The following TAPT1 variants were observed in gnomAD, a reference collection of about 807,000 sequenced individuals.
The protein encoded by TAPT1 is transmembrane anterior posterior transformation protein 1 homolog.
TAPT1 carries 28 observed loss-of-function variants against 65.6 expected under a neutral mutation model. The ratio of observed to expected loss-of-function variants is 0.43; its 90% CI spans 0.32 to 0.59. TAPT1 has a LOEUF of 0.59. Among genes scored for constraint, TAPT1 ranks in the 20% least tolerant of loss-of-function variants. The pLI is 0.09. For synonymous variants in TAPT1, 278 were observed against 245.2 expected (o/e 1.13, Z -1.25); for missense variants, 563 against 679.9 (o/e 0.83, Z 1.91).
At chr4:16,177,676 G>C (rs1363717727) in intron 8 of TAPT1, among the ~76,000 whole-genome samples, 1 of 152,168 alleles carries the variant, frequency 6.6e-6, no homozygotes, top group African/African-American at 2.4e-5. Context: ...AGGATAGTAA[G>C]TGTCTACACT....
At chr4:16,180,171 T>C (rs2149681229) in intron 7 of TAPT1, among the ~76,000 whole-genome samples, 1 of 152,266 alleles carries the variant, frequency 6.6e-6, no homozygotes, top group African/African-American at 2.4e-5. Context: ...TCCGGGGGTG[T>C]ATGTAGAACT....
intron 1 of TAPT1, chr4:16,225,930 G>C: frequency 1.0e-6 from 1 of 989,036 alleles, no homozygotes; most frequent in South Asian, 4.7e-5. Context: ...TGGGCTCCGA[G>C]ACGTGGGAGA....
intron 1 of TAPT1, among the ~76,000 whole-genome samples, chr4:16,221,418 G>A (rs1204722640): frequency 2.0e-5 from 3 of 152,088 alleles, no homozygotes; most frequent in Admixed American, 6.5e-5. Context: ...GAGCCACCGC[G>A]CCCAGCCCCT....
chr4:16,178,758 C>T (rs1022176293), intron 8 of TAPT1, among the ~76,000 whole-genome samples: 1 of 152,166 alleles, frequency 6.6e-6, no homozygotes, highest in Admixed American at 6.5e-5. Context: ...AGCCTGAATT[C>T]AGAGACGCAC....
At chr4:16,218,961 T>C (rs1239207227) in intron 1 of TAPT1, among the ~76,000 whole-genome samples, 2 of 152,188 alleles carry the variant, frequency 1.3e-5, no homozygotes, top group Admixed American at 6.5e-5. Context: ...AACAATACAA[T>C]GTCTGGATTC....
chr4:16,169,108 T>A (rs897191228), intron 12 of TAPT1, among the ~76,000 whole-genome samples: 1 of 152,168 alleles, frequency 6.6e-6, no homozygotes, highest in Non-Finnish European at 1.5e-5. Context: ...AATTTAGGAA[T>A]CATCCTGAGA....
intron 3 of TAPT1, among the ~76,000 whole-genome samples, chr4:16,191,873 T>A (rs570809409): frequency 6.6e-6 from 1 of 152,256 alleles, no homozygotes. Context: ...GCACATAGCC[T>A]GCTGGATCAG....
At position 16,207,331 on chromosome 4, in the gene TAPT1, A is replaced by G. The variant is rs186642658; in HGVS notation, c.331-4751T>C. ...TTTACTGAAATAAAGGGGAAACAAT[A>G]GTCATTACGTTTTCTTAACATATCC... On this transcript the variant is annotated intron_variant, in intron 2 of 13. Coordinates refer to ENST00000405303, the MANE Select transcript of TAPT1 (RefSeq NM_153365.3). Among the ~76,000 whole-genome samples the G allele has an allele frequency of 2.2e-3, 341 of 152,376 alleles. 3 individuals carry two copies. The highest frequency in any genetic ancestry group is 7.4e-3 in the African/African-American group (309 of 41,592).
intron 11 of TAPT1, among the ~76,000 whole-genome samples, chr4:16,171,923 C>G (rs568715419): frequency 3.9e-5 from 6 of 152,166 alleles, no homozygotes; most frequent in African/African-American, 1.4e-4. Context: ...CATTTTACGA[C>G]CCAATGTAAC....
At chr4:16,170,775 C>A (rs1381652954) in intron 11 of TAPT1, 46 bp from the exon 12 acceptor site, 2 of 1,427,616 alleles carry the variant, frequency 1.4e-6, no homozygotes. Context: ...AAACAGAACA[C>A]ACAACCACAG....
chr4:16,168,930 A>G (rs966797288), intron 12 of TAPT1, among the ~76,000 whole-genome samples: 1 of 152,116 alleles, frequency 6.6e-6, no homozygotes, highest in Non-Finnish European at 1.5e-5. Flanking sequence ...GGGAAAGAGG[A>G]GAAACCGGGT....
intron 7 of TAPT1, among the ~76,000 whole-genome samples, chr4:16,184,326 AG>A (rs1258774064): frequency 3.9e-5 from 6 of 152,326 alleles, no homozygotes; most frequent in Non-Finnish European, 5.9e-5. Flanking sequence ...AGACCTACAT[AG>A]CTGACAATAT....
At chr4:16,180,971 C>A (rs959554459) in intron 7 of TAPT1, among the ~76,000 whole-genome samples, 1 of 152,190 alleles carries the variant, frequency 6.6e-6, no homozygotes, top group Non-Finnish European at 1.5e-5. Context: ...GGAGGCAGGG[C>A]ACCTCCGGAG....
At chr4:16,176,417 C>G (rs1007845140) in intron 8 of TAPT1, 189 bp from the exon 9 acceptor site, 3 of 397,012 alleles carry the variant, frequency 7.6e-6, no homozygotes, top group Non-Finnish European at 1.3e-5. Flanking sequence ...CTTCATTCAA[C>G]AAACGTTTAC....
Position 16,167,080 on chromosome 4 carries a change from C to T in TAPT1, c.1314-287G>A, listed in dbSNP as rs549561323. On this transcript the variant is annotated intron_variant, in intron 12 of 13. Coordinates refer to ENST00000405303, the MANE Select transcript of TAPT1 (RefSeq NM_153365.3). ...CACAATCTTGGCTCACTGCAACCTC[C>T]GCCTCCTGGGTTCATGCAATTCTTG... Among the ~76,000 whole-genome samples the T allele has an allele frequency of 6.0e-5, 9 of 149,792 alleles. No homozygotes were observed. The South Asian group carries it at 1.9e-3, about 32-fold the overall frequency.
At position 16,203,498 on chromosome 4, in the gene TAPT1, C is replaced by T. The variant is rs567352124; in HGVS notation, c.331-918G>A. Among the ~76,000 whole-genome samples, 4 of 152,072 alleles carry T rather than the reference C, an allele frequency of 2.6e-5. No homozygotes were observed. The South Asian group carries it at 8.3e-4, about 32-fold the overall frequency. On this transcript the variant is annotated intron_variant, in intron 2 of 13. Coordinates refer to ENST00000405303, the MANE Select transcript of TAPT1 (RefSeq NM_153365.3). ...CTATGTTGGTACCTTAGAATGTAAC[C>T]GTGCTTGGACATAGGGTCTTTAAAG...
intron 11 of TAPT1, 104 bp downstream of exon 11, chr4:16,174,100 T>C (rs1183625587): frequency 1.0e-6 from 1 of 1,001,870 alleles, no homozygotes; most frequent in African/African-American, 1.7e-5. Flanking sequence ...ACCCTTAATT[T>C]TTATATCAAG....
chr4:16,175,993 T>C (rs965629028), intron 9 of TAPT1, 126 bp downstream of exon 9: 9 of 558,862 alleles, frequency 1.6e-5, no homozygotes, highest in Non-Finnish European at 2.5e-5. Context: ...AGTGTAATAA[T>C]TTTTAGAAAC....
chr4:16,213,730 T>A, intron 2 of TAPT1, 38 bp downstream of exon 2: 3 of 1,510,252 alleles, frequency 2.0e-6, no homozygotes, highest in Non-Finnish European at 2.6e-6. Context: ...TTGACATAAC[T>A]TTCAAAATGA....
Sources: allele counts gnomAD v4.1 joint callset (sites outside exome capture counted in the v4.1 genomes callset), GRCh38; gene constraint gnomAD v4.1.1; transcripts MANE v1.5; gene names NCBI Gene and HGNC (gene_info 2026-07-23, HGNC 2026-07-21).